DDHD1: variants seen among roughly 807,000 people sequenced by gnomAD.
DDHD1 encodes DDHD domain containing 1.
DDHD1 carries 49 observed loss-of-function variants against 96.4 expected under a neutral mutation model. The ratio of observed to expected loss-of-function variants is 0.51; its 90% CI spans 0.40 to 0.64. The LOEUF is 0.64. Ranked by LOEUF, DDHD1 falls within the 30% of genes least tolerant of loss-of-function variation. The pLI, the probability that DDHD1 is intolerant of heterozygous loss-of-function variation, is 0.00. For missense variants in DDHD1, 1,106 were observed against 1,161.2 expected (o/e 0.95, Z 0.69); for synonymous variants, 442 against 446.5 (o/e 0.99, Z 0.13).
intron 4 of DDHD1, among the ~76,000 whole-genome samples, chr14:53,079,128 T>C (rs1287036800): frequency 6.6e-6 from 1 of 152,202 alleles, no homozygotes; most frequent in Non-Finnish European, 1.5e-5. Flanking sequence ...TTGACATTTC[T>C]GTGGTCTCTA....
rs1882033173 is a variant in DDHD1 at position 53,046,699 on chromosome 14, T to C, written c.*69A>G. On this transcript the variant is annotated 3_prime_UTR_variant, in exon 13 of 13. Coordinates refer to ENST00000673822, the MANE Select transcript of DDHD1 (RefSeq NM_001160148.2). The stretch of plus-strand genomic sequence containing the variant: ...ATACTTTAACCCTGAAATCTCCGTA[T>C]CTTGACACACACATTTTAACGGAAA... 8.3e-6 allele frequency: 9 copies of C among 1,082,920 alleles called. No homozygotes were observed. The South Asian group carries it at 2.0e-4, about 25-fold the overall frequency. The allele number at this position is 1,082,920 out of a possible 1,614,324, so 67.1% of individuals were successfully genotyped here.
At chr14:53,092,402 A>G (rs1379969806) in intron 3 of DDHD1, 1 of 152,210 alleles carries the variant, frequency 6.6e-6, no homozygotes, top group Non-Finnish European at 1.5e-5. Context: ...TATTCAAAGC[A>G]CACTTATTGA....
chr14:53,146,251 C>T (rs1198990848), intron 1 of DDHD1, among the ~76,000 whole-genome samples: 1 of 151,918 alleles, frequency 6.6e-6, no homozygotes, highest in Non-Finnish European at 1.5e-5. Flanking sequence ...CACCTGTAAT[C>T]CCAGCACTTT....
At chr14:53,091,692 C>T in intron 4 of DDHD1, 93 bp downstream of exon 4, 1 of 1,326,008 alleles carries the variant, frequency 7.5e-7, no homozygotes, top group Non-Finnish European at 1.0e-6. Context: ...GAGGAACATG[C>T]AGTGGAATTA....
At chr14:53,138,869 G>T (rs1165003592) in intron 1 of DDHD1, among the ~76,000 whole-genome samples, 1 of 152,072 alleles carries the variant, frequency 6.6e-6, no homozygotes, top group Non-Finnish European at 1.5e-5. Flanking sequence ...ACTGAGGGAA[G>T]GGCAAGAAAC....
At chr14:53,069,259 G>A (rs1001439703) in intron 6 of DDHD1, among the ~76,000 whole-genome samples, 1 of 152,092 alleles carries the variant, frequency 6.6e-6, no homozygotes, top group African/African-American at 2.4e-5. Context: ...AAAAGATCTG[G>A]GTGCTAGGTG....
At chr14:53,095,595 A>G (rs1312956645) in intron 2 of DDHD1, among the ~76,000 whole-genome samples, 1 of 152,204 alleles carries the variant, frequency 6.6e-6, no homozygotes, top group East Asian at 1.9e-4. Context: ...TCAAGATTCA[A>G]TTAACATAAT....
chr14:53,051,224 GA>G, intron 12 of DDHD1, among the ~76,000 whole-genome samples: 1 of 151,560 alleles, frequency 6.6e-6, no homozygotes, highest in South Asian at 2.1e-4. Context: ...AGAAGCTGTG[GA>G]AAAAGAATCA....
intron 1 of DDHD1, among the ~76,000 whole-genome samples, chr14:53,131,410 A>C (rs189388333): frequency 6.6e-6 from 1 of 152,234 alleles, no homozygotes; most frequent in African/African-American, 2.4e-5. Context: ...CTTTGAAGGG[A>C]ATAAAGCCTG....
At chr14:53,091,664 T>A (rs1886437186) in intron 4 of DDHD1, 121 bp downstream of exon 4, 4 of 1,042,998 alleles carry the variant, frequency 3.8e-6, no homozygotes, top group Non-Finnish European at 4.1e-6. Context: ...TTAAGAGGTA[T>A]TAGAATAGTT....
rs188523175 is a variant in DDHD1 at position 53,076,040 on chromosome 14, T to A, written c.1290-2193A>T. ...TACTAGGAGATGAATGTTGTTTTCA[T>A]GCCTGCTAACACAATATCCACTCTG... On this transcript the variant is annotated intron_variant, in intron 4 of 12. Transcript: ENST00000673822. 5.3e-4 allele frequency among the ~76,000 whole-genome samples: 80 copies of A among 152,328 alleles called. 1 individual carries two copies. Among genetic ancestry groups the A allele is most frequent in the Admixed American group, 9.2e-4 (14 of 15,292 alleles).
intron 1 of DDHD1, among the ~76,000 whole-genome samples, chr14:53,122,866 C>T (rs1889108548): frequency 6.6e-6 from 1 of 151,884 alleles, no homozygotes; most frequent in Non-Finnish European, 1.5e-5. Flanking sequence ...CGTGCCTGGC[C>T]AGTAATTCTT....
chr14:53,103,237 A>G, intron 2 of DDHD1: 1 of 496,494 alleles, frequency 2.0e-6, no homozygotes, highest in Non-Finnish European at 3.4e-6. Flanking sequence ...TTAAAACTTG[A>G]TATGGTTTTC....
At chr14:53,107,999 A>G (rs28833623) in intron 1 of DDHD1, among the ~76,000 whole-genome samples, 6,660 of 152,326 alleles carry the variant, frequency 0.044, 525 homozygotes, top group African/African-American at 0.15. Context: ...CATTCAAGCC[A>G]GCAACAGCTA....
At chr14:53,085,318 C>T (rs1169772933) in intron 4 of DDHD1, among the ~76,000 whole-genome samples, 1 of 152,186 alleles carries the variant, frequency 6.6e-6, no homozygotes, top group African/African-American at 2.4e-5. Flanking sequence ...CAGATTGCCT[C>T]CTCAAGTGGG....
intron 4 of DDHD1, among the ~76,000 whole-genome samples, chr14:53,088,925 T>C (rs888640868): frequency 1.3e-4 from 20 of 152,156 alleles, no homozygotes; most frequent in African/African-American, 2.2e-4. Context: ...GAAAACCCCA[T>C]TGTCTCAGCC....
chr14:53,127,796 T>C lies in DDHD1; in HGVS notation c.839-23940A>G, dbSNP rs1431421883. 2.0e-5 allele frequency among the ~76,000 whole-genome samples: 3 copies of C among 152,194 alleles called. No homozygotes were observed. The East Asian group carries it at 5.8e-4, about 29-fold the overall frequency. On this transcript the variant is annotated intron_variant, in intron 1 of 12. Transcript: ENST00000673822. ...ACTTCCTGGTGTTATTAGTAAAAGG[T>C]AGGTCTTTTTATGTGAAAATAGATC...
At chr14:53,134,099 A>C (rs1248623580) in intron 1 of DDHD1, among the ~76,000 whole-genome samples, 1 of 152,132 alleles carries the variant, frequency 6.6e-6, no homozygotes, top group Non-Finnish European at 1.5e-5. Flanking sequence ...TATTAGGTCT[A>C]TTCGTCCTTA....
chr14:53,103,038 G>A lies in DDHD1; in HGVS notation c.1012+645C>T, dbSNP rs1595179182. On this transcript the variant is annotated intron_variant, in intron 2 of 12. Coordinates refer to ENST00000673822, the MANE Select transcript of DDHD1 (RefSeq NM_001160148.2). Reference sequence around the variant, plus strand: ...CTGTACAGTTATACTCACCAGAATAGTTGATCCCACTGCCTGCAGTAAATG... The same window carrying A: ...CTGTACAGTTATACTCACCAGAATAATTGATCCCACTGCCTGCAGTAAATG... 1 of 1,568,422 alleles carries A rather than the reference G, an allele frequency of 6.4e-7. No homozygotes were observed. Among genetic ancestry groups the A allele is most frequent in the Non-Finnish European group, 8.7e-7 (1 of 1,154,538 alleles).
Sources: allele counts gnomAD v4.1 joint callset (sites outside exome capture counted in the v4.1 genomes callset), GRCh38; gene constraint gnomAD v4.1.1; transcripts MANE v1.5; gene names NCBI Gene and HGNC (gene_info 2026-07-23, HGNC 2026-07-21).